REV3L: variants seen among roughly 807,000 people sequenced by gnomAD.
REV3L encodes the protein DNA polymerase zeta catalytic subunit.
A neutral mutation model predicts 299.4 loss-of-function variants in REV3L; 69 were observed. That is an observed-to-expected ratio of 0.23 (90% confidence interval 0.19 to 0.28). The LOEUF is 0.28. REV3L is among the 10% of genes least tolerant of loss of function. The probability of loss-of-function intolerance (pLI) is 1.00; values close to 1 mark genes in which losing one functional copy is unlikely to be tolerated. For missense variants in REV3L, 3,128 were observed against 3,693.8 expected, an observed-to-expected ratio of 0.85 and a Z score of 3.97; for synonymous variants, 1,238 against 1,271.4, an observed-to-expected ratio of 0.97 and a Z score of 0.56.
chr6:111,448,071 T>C (rs1789065601), intron 1 of REV3L, among the ~76,000 whole-genome samples: 1 of 152,218 alleles, frequency 6.6e-6, no homozygotes, highest in Non-Finnish European at 1.5e-5. Context: ...ATGAATTTTC[T>C]GGCTCCTTGG....
intron 13 of REV3L, among the ~76,000 whole-genome samples, chr6:111,369,700 C>G (rs1779584926): frequency 6.6e-6 from 1 of 151,736 alleles, no homozygotes; most frequent in African/African-American, 2.4e-5. Context: ...CAAAACAAAA[C>G]AAACTAAAAA....
At chr6:111,437,256 A>G (rs1787664342) in intron 1 of REV3L, among the ~76,000 whole-genome samples, 3 of 152,206 alleles carry the variant, frequency 2.0e-5, no homozygotes, top group African/African-American at 7.2e-5. Context: ...AAGAGAAATG[A>G]AAATACATGT....
intron 1 of REV3L, among the ~76,000 whole-genome samples, chr6:111,428,084 G>A (rs935791294): frequency 6.6e-6 from 1 of 150,804 alleles, no homozygotes; most frequent in African/African-American, 2.4e-5. Context: ...AAGCATATTC[G>A]ATAAAAACCA....
chr6:111,417,531 C>T (rs905040841), intron 1 of REV3L, among the ~76,000 whole-genome samples: 4 of 152,202 alleles, frequency 2.6e-5, no homozygotes, highest in African/African-American at 9.7e-5. Flanking sequence ...CCTCAGGCTT[C>T]TTCCCCACCC....
Position 111,329,687 on chromosome 6 carries a change from T to C in REV3L, c.8086A>G (p.Thr2696Ala), listed in dbSNP as rs1302782859. Residue 2696 changes from threonine (T) to alanine (A), a missense_variant, in exon 25 of 32, where the codon ACT becomes GCT. By Grantham distance (58) the Thr-to-Ala change is moderately conservative (BLOSUM62 0). This residue lies in a region of REV3L where 53 missense variants were observed against 57.4 expected (regional missense o/e 0.92). Transcript: ENST00000368802. ...ATTGACTGCTTCACCATAAATCTAG[T>C]CTTCAAAATTTCTTCAAGCATTCTT... is the stretch of plus-strand genomic sequence containing the variant. ...LPRMLEEILKTRFMVKQSMKA... is the reference protein window; with the variant it reads ...LPRMLEEILKARFMVKQSMKA... The C allele has an allele frequency of 2.5e-6, 4 of 1,613,906 alleles. No homozygotes were observed. The highest frequency in any genetic ancestry group is 1.1e-5 in the South Asian group (1 of 91,078).
At chr6:111,483,654 GT>G, upstream of REV3L, 1 of 425,716 alleles carries the variant, frequency 2.3e-6, no homozygotes, top group Non-Finnish European at 4.7e-6. Flanking sequence ...CGCTGAGACG[GT>G]TTTTCACAAG....
In REV3L at chr6:111,375,064, T is replaced by C. The variant is rs1473498321; in HGVS notation, c.3291A>G (p.Glu1097=). ...PPSPSYNAET[E]DCDLNYSDVM... ...CATCACTATAATTCAGGTCACAATCTTCGGTTTCAGCATTGTAAGATGGTG... is the reference window on the plus strand; with the variant it reads ...CATCACTATAATTCAGGTCACAATCCTCGGTTTCAGCATTGTAAGATGGTG... Residue 1097 remains glutamate (E), a synonymous_variant, in exon 13 of 32, where the codon GAA becomes GAG. Transcript: ENST00000368802. 2 of 1,613,998 alleles carry C rather than the reference T, an allele frequency of 1.2e-6. No homozygotes were observed. Among genetic ancestry groups the C allele is most frequent in the Non-Finnish European group, 1.7e-6 (2 of 1,179,934 alleles).
At chr6:111,362,984 A>G (rs1778853279) in intron 16 of REV3L, among the ~76,000 whole-genome samples, 1 of 152,230 alleles carries the variant, frequency 6.6e-6, no homozygotes, top group African/African-American at 2.4e-5. Context: ...TCCAATTTCT[A>G]TCTTACTGCC....
At chr6:111,364,014 A>G (rs773541262) in intron 15 of REV3L, 36 bp from the exon 16 acceptor site, 2 of 1,578,016 alleles carry the variant, frequency 1.3e-6, no homozygotes, top group Non-Finnish European at 8.6e-7. Flanking sequence ...CAGCCAGAAA[A>G]AGATACATGA....
intron 3 of REV3L, 69 bp from the exon 4 acceptor site, chr6:111,405,699 T>C (rs1783547074): frequency 8.3e-6 from 9 of 1,078,820 alleles, no homozygotes; most frequent in African/African-American, 3.2e-5. Context: ...ACAATGATTA[T>C]AGAAATATAC....
intron 1 of REV3L, among the ~76,000 whole-genome samples, chr6:111,476,454 G>C (rs1022389331): frequency 1.3e-5 from 2 of 152,130 alleles, no homozygotes; most frequent in Non-Finnish European, 2.9e-5. Flanking sequence ...ACTGCATCCA[G>C]CCTGAAACGA....
chr6:111,300,947 C>G (rs1478939659), intron 31 of REV3L, among the ~76,000 whole-genome samples: 1 of 152,222 alleles, frequency 6.6e-6, no homozygotes, highest in African/African-American at 2.4e-5. Context: ...TAAAATCTGA[C>G]TGCCTGCAGG....
Position 111,368,150 on chromosome 6 carries a change from GC to G in REV3L, c.5760-123del. 3 of 774,430 alleles carry G rather than the reference GC, an allele frequency of 3.9e-6. No individual in the cohort carries two copies. In the South Asian group the frequency reaches 5.6e-5, roughly 15 times the overall value. The allele number at this position is 774,430 out of a possible 1,614,324, so 48.0% of individuals were successfully genotyped here. On this transcript the variant is annotated intron_variant, in intron 13 of 31. Transcript: ENST00000368802. Reference sequence around the variant, plus strand: ...AAAAATGTCCATGTCTATCTTCCCTGCCCCCTCTATATTGTGCAGGTACATT... The same window carrying G: ...AAAAATGTCCATGTCTATCTTCCCTGCCCCTCTATATTGTGCAGGTACATT...
At chr6:111,395,676 T>C (rs1782420071) in intron 4 of REV3L, among the ~76,000 whole-genome samples, 1 of 152,140 alleles carries the variant, frequency 6.6e-6, no homozygotes, top group South Asian at 2.1e-4. Flanking sequence ...TTTTTCCCAA[T>C]TTGGTGTCTT....
chr6:111,348,947 C>G (rs529879713), intron 20 of REV3L: 114 of 210,682 alleles, frequency 5.4e-4, no homozygotes, highest in African/African-American at 2.5e-3. Flanking sequence ...GAGCACTGCA[C>G]CTGGCCCCAA....
Position 111,373,438 on chromosome 6 carries a change from T to C in REV3L, c.4917A>G (p.Leu1639=). ...CAAAATTATAATTATGTTCAGGAGA[T>C]AAACTATCTTCAAGTGAGTAACAAC... The part of the protein sequence containing the change: ...FESCYSLEDS[L]SPEHNYNFDI... The change falls in exon 13 of 32, where the codon TTA becomes TTG. Residue 1639 remains leucine (L), a synonymous_variant. Transcript: ENST00000368802. 1 of 1,613,680 alleles carries C rather than the reference T, an allele frequency of 6.2e-7. No homozygotes were observed. Among genetic ancestry groups the C allele is most frequent in the Non-Finnish European group, 8.5e-7 (1 of 1,179,866 alleles).
chr6:111,333,050 C>G, intron 23 of REV3L, 73 bp downstream of exon 23: 5 of 1,560,022 alleles, frequency 3.2e-6, no homozygotes, highest in Non-Finnish European at 4.3e-6. Context: ...CAAAGAGACA[C>G]TCAGAAAGTG....
Position 111,376,375 on chromosome 6 carries a change from A to G in REV3L, c.1980T>C (p.Phe660=). The change falls in exon 13 of 32, where the codon TTT becomes TTC. Residue 660 remains phenylalanine (F), a synonymous_variant. Transcript: ENST00000368802. ...CAGATGGAATATCTTCTTCATAATC[A>G]AAAATACTACTTTCACAGGAAGATA... The part of the protein sequence containing the change: ...LPVSSCESSI[F]DYEEDIPSVT... 6.2e-7 allele frequency: 1 copy of G among 1,612,292 alleles called. No homozygotes were observed. The highest frequency in any genetic ancestry group is 8.5e-7 in the Non-Finnish European group (1 of 1,179,476).
intron 14 of REV3L, among the ~76,000 whole-genome samples, chr6:111,365,622 T>A (rs1779105259): frequency 6.6e-6 from 1 of 152,174 alleles, no homozygotes; most frequent in Admixed American, 6.5e-5. Flanking sequence ...ATTCACTTAT[T>A]TATCAAGTAT....
Sources: gnomAD v4.1 joint callset for allele counts (sites outside exome capture counted in the v4.1 genomes callset) on GRCh38, gnomAD v4.1.1 for gene constraint, gnomAD v4.1.1 regional missense constraint, MANE v1.5 for transcripts, NCBI Gene and HGNC (gene_info 2026-07-23, HGNC 2026-07-21) for gene names.